SNRPN: variants seen among roughly 807,000 people sequenced by gnomAD.
The protein encoded by SNRPN is small nuclear ribonucleoprotein polypeptide N.
A neutral mutation model predicts 25.2 loss-of-function variants in SNRPN; 7 were observed. That is an observed-to-expected ratio of 0.28 (90% confidence interval 0.16 to 0.52). The LOEUF (loss-of-function observed/expected upper bound fraction) is 0.52. Among genes scored for constraint, SNRPN ranks in the 20% least tolerant of loss-of-function variants. SNRPN has a pLI of 0.96. For synonymous variants in SNRPN, 124 were observed against 110.6 expected, an observed-to-expected ratio of 1.12 and a Z score of -0.76; for missense variants, 196 against 322.5, an observed-to-expected ratio of 0.61 and a Z score of 3.00.
chr15:24,859,736 G>A (rs940959767), intron 1 of SNRPN, among the ~76,000 whole-genome samples: 4 of 152,216 alleles, frequency 2.6e-5, no homozygotes, highest in South Asian at 2.1e-4. Context: ...GAGCAGCCCT[G>A]TGGGCTGCTG....
intron 2 of SNRPN, among the ~76,000 whole-genome samples, chr15:24,900,989 T>TG (rs1172655867): frequency 1.3e-5 from 2 of 152,124 alleles, no homozygotes; most frequent in African/African-American, 4.8e-5. Flanking sequence ...CCCAGCTACT[T>TG]GGGGGCTGAG....
At chr15:24,833,037 G>A (rs1367486333) in intron 2 of SNRPN, among the ~76,000 whole-genome samples, 9 of 148,568 alleles carry the variant, frequency 6.1e-5, no homozygotes, top group African/African-American at 1.7e-4. Flanking sequence ...CCCGGGAGGC[G>A]GAGCTTGCAG....
intron 2 of SNRPN, among the ~76,000 whole-genome samples, chr15:24,889,272 T>C (rs1336504549): frequency 6.6e-6 from 1 of 151,796 alleles, no homozygotes; most frequent in Non-Finnish European, 1.5e-5. Flanking sequence ...TAAAATATAA[T>C]GGTTTAGTCT....
At chr15:24,909,140 T>G in intron 2 of SNRPN, 1 of 1,358,106 alleles carries the variant, frequency 7.4e-7, no homozygotes, top group Non-Finnish European at 1.1e-6. Context: ...TACCCTGTTC[T>G]TTATGTATTG....
intron 3 of SNRPN, among the ~76,000 whole-genome samples, chr15:24,939,591 C>T (rs2153017177): frequency 6.6e-6 from 1 of 152,086 alleles, no homozygotes; most frequent in African/African-American, 2.4e-5. Flanking sequence ...CACCACCATG[C>T]CTGGTCAATT....
intron 2 of SNRPN, among the ~76,000 whole-genome samples, chr15:24,919,309 T>C (rs944714552): frequency 6.6e-6 from 1 of 151,376 alleles, no homozygotes; most frequent in Non-Finnish European, 1.5e-5. Context: ...CGGGCACCTG[T>C]AGTCCCAGCT....
chr15:24,954,248 T>C (rs888116956), upstream of SNRPN, among the ~76,000 whole-genome samples: 1 of 152,194 alleles, frequency 6.6e-6, no homozygotes, highest in Non-Finnish European at 1.5e-5. Flanking sequence ...CCAGCTATCA[T>C]TGATTATTGG....
At chr15:24,955,863 AT>A (rs1240789048) in intron 1 of SNRPN, among the ~76,000 whole-genome samples, 3 of 151,664 alleles carry the variant, frequency 2.0e-5, no homozygotes, top group Non-Finnish European at 4.4e-5. Flanking sequence ...GGCGGTGGGC[AT>A]GGCGGCCGCG....
chr15:24,913,981 A>C (rs2152296571), intron 2 of SNRPN, among the ~76,000 whole-genome samples: 2 of 152,304 alleles, frequency 1.3e-5, no homozygotes, highest in South Asian at 4.1e-4. Flanking sequence ...AGATAAATTC[A>C]GTTACTAAGC....
chr15:24,861,324 A>G (rs570720552), intron 1 of SNRPN, among the ~76,000 whole-genome samples: 16 of 152,326 alleles, frequency 1.1e-4, no homozygotes, highest in African/African-American at 3.4e-4. Flanking sequence ...TAAGCATGTG[A>G]CTGTCCTGAA....
intron 1 of SNRPN, among the ~76,000 whole-genome samples, chr15:24,956,109 C>T (rs1231309170): frequency 1.3e-5 from 2 of 152,044 alleles, no homozygotes; most frequent in East Asian, 1.9e-4. Context: ...TAGGAACCCT[C>T]GCTTTAGAGG....
At chr15:24,906,366 C>T (rs1427096963) in intron 2 of SNRPN, among the ~76,000 whole-genome samples, 2 of 152,144 alleles carry the variant, frequency 1.3e-5, no homozygotes, top group Non-Finnish European at 2.9e-5. Context: ...CTCCCAAGCT[C>T]AACTGATTCA....
intron 1 of SNRPN, among the ~76,000 whole-genome samples, chr15:24,881,268 A>G (rs1298021079): frequency 6.6e-6 from 1 of 151,908 alleles, no homozygotes; most frequent in African/African-American, 2.4e-5. Context: ...CATGCCTGTA[A>G]TCTCAGCACT....
intron 2 of SNRPN, among the ~76,000 whole-genome samples, chr15:24,839,293 C>T (rs937125146): frequency 3.9e-5 from 6 of 151,990 alleles, no homozygotes; most frequent in South Asian, 2.1e-4. Flanking sequence ...GAGAGCATGG[C>T]CATTGTTTTG....
chr15:24,894,675 A>ACC (rs1167094167), intron 2 of SNRPN, among the ~76,000 whole-genome samples: 1 of 152,192 alleles, frequency 6.6e-6, no homozygotes, highest in African/African-American at 2.4e-5. Flanking sequence ...ATCCATCTGC[A>ACC]TTGGGAAAAT....
chr15:24,951,086 C>T (rs1488271475), upstream of SNRPN, among the ~76,000 whole-genome samples: 1 of 152,144 alleles, frequency 6.6e-6, no homozygotes, highest in East Asian at 1.9e-4. Flanking sequence ...TCACGAACCT[C>T]CTGATCTCAG....
At chr15:24,969,652 T>C (rs945932217) in intron 3 of SNRPN, among the ~76,000 whole-genome samples, 9 of 151,762 alleles carry the variant, frequency 5.9e-5, no homozygotes, top group East Asian at 5.8e-4. Flanking sequence ...CACAGATTTT[T>C]GTAAATTTTT....
chr15:24,916,533 T>C (rs1373394580), intron 2 of SNRPN, among the ~76,000 whole-genome samples: 1 of 151,938 alleles, frequency 6.6e-6, no homozygotes, highest in Non-Finnish European at 1.5e-5. Flanking sequence ...CCAGCCCATG[T>C]GATAGAACCA....
At chr15:24,977,361 C>T (rs115325740) in intron 7 of SNRPN, among the ~76,000 whole-genome samples, 5,909 of 152,104 alleles carry the variant, frequency 0.039, 378 homozygotes, top group African/African-American at 0.13. Context: ...GGGAATAGGC[C>T]GGGTGCAGTG....
Sources: allele counts gnomAD v4.1 joint callset (sites outside exome capture counted in the v4.1 genomes callset), GRCh38; gene constraint gnomAD v4.1.1; transcripts MANE v1.5; gene names NCBI Gene and HGNC (gene_info 2026-07-23, HGNC 2026-07-21).